NRXN2: variants seen among roughly 807,000 people sequenced by gnomAD.
The protein encoded by NRXN2 is neurexin-2-beta.
In NRXN2, 29 loss-of-function variants were observed where a neutral mutation model predicts 128.8. The observed-to-expected ratio is 0.23, with a 90% confidence interval of 0.17 to 0.31. The LOEUF (loss-of-function observed/expected upper bound fraction) is 0.31. Ranked by LOEUF, NRXN2 falls within the 10% of genes least tolerant of loss-of-function variation. The pLI, the probability that NRXN2 is intolerant of heterozygous loss-of-function variation, is 1.00. For missense variants in NRXN2, 1,881 were observed against 2,452.6 expected, an observed-to-expected ratio of 0.77 and a Z score of 4.92; for synonymous variants, 1,098 against 1,075.2, an observed-to-expected ratio of 1.02 and a Z score of -0.41.
chr11:64,676,914 G>C, intron 7 of NRXN2, 79 bp downstream of exon 7: 1 of 1,202,474 alleles, frequency 8.3e-7, no homozygotes, highest in Non-Finnish European at 1.2e-6. Flanking sequence ...AACAGGGAGA[G>C]GAAACAAAAG....
At chr11:64,712,515 C>A (rs535241942) in intron 2 of NRXN2, among the ~76,000 whole-genome samples, 111 of 151,588 alleles carry the variant, frequency 7.3e-4, no homozygotes, top group African/African-American at 2.5e-3. Context: ...CGGCCTCATA[C>A]GAGGCCCCGC....
In NRXN2 at chr11:64,652,170, G is replaced by C. The variant is rs766415798; in HGVS notation, c.2417-16C>G. ...GGGCCTTTACCTGCGGCACCAAGGG[G>C]GGAATGAGGAGGGCACCTATACATG... is the stretch of plus-strand genomic sequence containing the variant. On this transcript the variant is annotated splice_polypyrimidine_tract_variant and intron_variant, in intron 12 of 22. Coordinates refer to ENST00000265459, the MANE Select transcript of NRXN2 (RefSeq NM_015080.4). 3 of 1,608,592 alleles carry C rather than the reference G, an allele frequency of 1.9e-6. No homozygotes were observed. Among genetic ancestry groups the C allele is most frequent in the Non-Finnish European group, 2.5e-6 (3 of 1,178,962 alleles).
chr11:64,650,370 C>T (rs999574327), intron 15 of NRXN2, 78 bp downstream of exon 15: 3 of 1,464,218 alleles, frequency 2.0e-6, no homozygotes, highest in Non-Finnish European at 2.9e-6. Context: ...GAAGCAGCGT[C>T]GCAGGAATGG....
In NRXN2 at chr11:64,707,741, G is replaced by A. The variant is rs187714580; in HGVS notation, c.730+5229C>T. On this transcript the variant is annotated intron_variant, in intron 2 of 22. Coordinates refer to ENST00000265459, the MANE Select transcript of NRXN2 (RefSeq NM_015080.4). ...ATAAAGTCACTGCCTGGGCAGTCTG[G>A]AGGCAGAATCTCTTAACAACACACT... 7.6e-4 allele frequency among the ~76,000 whole-genome samples: 115 copies of A among 152,308 alleles called. 1 individual carries two copies. The highest frequency in any genetic ancestry group is 3.4e-3 in the Middle Eastern group (1 of 294).
At chr11:64,652,295 GGCCAC>G (rs2047578532) in intron 12 of NRXN2, 141 bp from the exon 13 acceptor site, 2 of 1,090,942 alleles carry the variant, frequency 1.8e-6, no homozygotes, top group Non-Finnish European at 2.7e-6. Context: ...GCTCATATTT[GGCCAC>G]GCAACACACC....
intron 2 of NRXN2, among the ~76,000 whole-genome samples, chr11:64,699,718 T>C (rs1011153399): frequency 2.0e-5 from 3 of 152,130 alleles, no homozygotes; most frequent in East Asian, 1.9e-4. Context: ...CAGCAATAGT[T>C]TTCTTAAGTA....
At chr11:64,687,705 G>A (rs1458962572) in intron 5 of NRXN2, among the ~76,000 whole-genome samples, 1 of 152,208 alleles carries the variant, frequency 6.6e-6, no homozygotes, top group Admixed American at 6.5e-5. Context: ...CCATCGCAGA[G>A]ACAGACAAGA....
At chr11:64,655,762 T>C (rs2048184937) in intron 11 of NRXN2, among the ~76,000 whole-genome samples, 1 of 152,118 alleles carries the variant, frequency 6.6e-6, no homozygotes, top group Admixed American at 6.5e-5. Flanking sequence ...AGCAAACGAC[T>C]TGAAGATGGG....
At chr11:64,640,122 T>C (rs1591695693) in intron 17 of NRXN2, among the ~76,000 whole-genome samples, 1 of 151,198 alleles carries the variant, frequency 6.6e-6, no homozygotes, top group East Asian at 2.0e-4. Context: ...CAGATGGCTC[T>C]TCCTGTTTCC....
intron 1 of NRXN2, among the ~76,000 whole-genome samples, chr11:64,721,433 C>G (rs114588426): frequency 0.013 from 1,948 of 152,106 alleles, 24 homozygotes; most frequent in Middle Eastern, 0.041. Flanking sequence ...TAGGATGGGT[C>G]TGAGAACACT....
chr11:64,657,610 A>G (rs890483279), intron 11 of NRXN2, among the ~76,000 whole-genome samples: 1 of 152,148 alleles, frequency 6.6e-6, no homozygotes, highest in Non-Finnish European at 1.5e-5. Flanking sequence ...TAAAAAAAAG[A>G]GAGAGAGACT....
In NRXN2 at chr11:64,622,747, C is replaced by A. The variant is rs1483428686; in HGVS notation, c.4173+6G>T. ...CCCTAATCCACCAGCCAGAGTGGGG[C>A]CTCACCTGGGTGGTGCTGTCCCTCA... is the stretch of plus-strand genomic sequence containing the variant. On this transcript the variant is annotated splice_donor_region_variant and intron_variant, in intron 21 of 22. Transcript: ENST00000265459. The surrounding 1 kb of genome is among the most constrained non-coding windows in gnomAD (Gnocchi z 4.3). 5 of 1,603,936 alleles carry A rather than the reference C, an allele frequency of 3.1e-6. No individual in the cohort carries two copies. In the African/African-American group the frequency reaches 6.7e-5, roughly 21 times the overall value.
chr11:64,623,366 G>C lies in NRXN2; in HGVS notation c.3848-288C>G, dbSNP rs554326145. On this transcript the variant is annotated intron_variant, in intron 20 of 22. Coordinates refer to ENST00000265459, the MANE Select transcript of NRXN2 (RefSeq NM_015080.4). The surrounding 1 kb of genome is among the most constrained non-coding windows in gnomAD (Gnocchi z 4.9). ...AGTCCCTCCTCCCCACCATGTGCAAGCCTTCCCACCTTCCCCATTCCCTCT... is the reference window on the plus strand; with the variant it reads ...AGTCCCTCCTCCCCACCATGTGCAACCCTTCCCACCTTCCCCATTCCCTCT... 26 of 518,316 alleles carry C rather than the reference G, an allele frequency of 5.0e-5. No individual in the cohort carries two copies. The highest frequency in any genetic ancestry group is 8.7e-5 in the Non-Finnish European group (25 of 287,528). 32.1% of individuals were successfully genotyped at this position (518,316 alleles called of 1,614,324 possible).
At chr11:64,679,813 T>C (rs1014843828) in intron 6 of NRXN2, among the ~76,000 whole-genome samples, 3 of 152,060 alleles carry the variant, frequency 2.0e-5, no homozygotes, top group Non-Finnish European at 4.4e-5. Context: ...ATGGAGATCA[T>C]GTTTATGGGG....
intron 17 of NRXN2, among the ~76,000 whole-genome samples, chr11:64,646,223 G>C (rs2046629929): frequency 6.6e-6 from 1 of 152,006 alleles, no homozygotes; most frequent in Non-Finnish European, 1.5e-5. Context: ...CAGTGCTTGG[G>C]GATGGTGACG....
At position 64,630,002 on chromosome 11, in the gene NRXN2, A is replaced by G. The variant is rs2043635311; in HGVS notation, c.3757+400T>C. On this transcript the variant is annotated intron_variant, in intron 19 of 22. Coordinates refer to ENST00000265459, the MANE Select transcript of NRXN2 (RefSeq NM_015080.4). The surrounding 1 kb of genome is among the most constrained non-coding windows in gnomAD (Gnocchi z 4.6). ...AAGACACGTTTTATATTACTTCTGGATTTTCTCTCCTGTTTCTGCATCTGT... is the reference window on the plus strand; with the variant it reads ...AAGACACGTTTTATATTACTTCTGGGTTTTCTCTCCTGTTTCTGCATCTGT... Among the ~76,000 whole-genome samples, 1 of 151,092 alleles carries G rather than the reference A, an allele frequency of 6.6e-6. No individual in the cohort carries two copies. The highest frequency in any genetic ancestry group is 1.5e-5 in the Non-Finnish European group (1 of 67,802).
At chr11:64,711,622 T>C (rs1488552655) in intron 2 of NRXN2, among the ~76,000 whole-genome samples, 1 of 151,952 alleles carries the variant, frequency 6.6e-6, no homozygotes, top group East Asian at 1.9e-4. Flanking sequence ...CTCCCTCCGG[T>C]GAGCCTCTCT....
At chr11:64,659,222 G>A (rs1167003555) in intron 11 of NRXN2, among the ~76,000 whole-genome samples, 2 of 152,190 alleles carry the variant, frequency 1.3e-5, no homozygotes, top group Admixed American at 6.5e-5. Context: ...ACCTCAGCCT[G>A]AACAGCTTAG....
At chr11:64,710,591 G>A (rs478607) in intron 2 of NRXN2, among the ~76,000 whole-genome samples, 111,448 of 152,038 alleles carry the variant, frequency 0.73, 43,236 homozygotes, top group Middle Eastern at 0.91. Flanking sequence ...CCCGTAGCTC[G>A]AGCTTTCCCT....
Sources: allele counts gnomAD v4.1 joint callset (sites outside exome capture counted in the v4.1 genomes callset), GRCh38; gene constraint gnomAD v4.1.1; non-coding constraint Gnocchi (gnomAD v3.1); transcripts MANE v1.5; gene names NCBI Gene and HGNC (gene_info 2026-07-23, HGNC 2026-07-21).